RNF24: variants seen among roughly 807,000 people sequenced by gnomAD.
RNF24 encodes the protein ring finger protein 24.
In RNF24, 14 loss-of-function variants were observed where a neutral mutation model predicts 20.0. That is an observed-to-expected ratio of 0.70 (90% CI 0.46 to 1.10). The LOEUF (loss-of-function observed/expected upper bound fraction) is 1.10, where lower values mean the gene tolerates loss of function less well. RNF24 is among the 50% of genes least tolerant of loss of function. RNF24 has a pLI of 0.00. For synonymous variants in RNF24, 45 were observed against 61.1 expected (o/e 0.74, Z 1.23); for missense variants, 124 against 177.6 (o/e 0.70, Z 1.71).
At chr20:3,961,828 GA>G (rs573515797) in intron 2 of RNF24, among the ~76,000 whole-genome samples, 88 of 148,540 alleles carry the variant, frequency 5.9e-4, no homozygotes, top group South Asian at 1.1e-3. Flanking sequence ...TAGTAAGTCT[GA>G]AAAAAAAACC....
chr20:3,953,716 G>A (rs241647), intron 2 of RNF24, among the ~76,000 whole-genome samples: 1 of 149,404 alleles, frequency 6.7e-6, no homozygotes, highest in African/African-American at 2.5e-5. Context: ...TCTCTTTTTC[G>A]TATTAGATAT....
intron 1 of RNF24, 166 bp downstream of exon 1, chr20:4,015,271 T>G (rs1312805273): frequency 6.6e-6 from 1 of 150,934 alleles, no homozygotes; most frequent in Non-Finnish European, 1.5e-5. Flanking sequence ...GCCTCACCCC[T>G]GCACACCGCG....
At position 3,977,931 on chromosome 20, in the gene RNF24, C is replaced by T. The variant is rs115094816; in HGVS notation, c.-7-13907G>A. Among the ~76,000 whole-genome samples the T allele has an allele frequency of 3.8e-3, 574 of 151,310 alleles. 4 individuals are homozygous for T. Among genetic ancestry groups the T allele is most frequent in the African/African-American group, 0.013 (548 of 41,274 alleles). On this transcript the variant is annotated intron_variant, in intron 1 of 5. Transcript: ENST00000358395. ...ACACACACAAAAAACCCCAGAAAGA[C>T]TCTAGGATGAGGAGAAGCTGGTTAA...
chr20:3,951,424 C>T (rs113148131), intron 2 of RNF24, among the ~76,000 whole-genome samples: 5 of 152,176 alleles, frequency 3.3e-5, no homozygotes, highest in South Asian at 2.1e-4. Flanking sequence ...GAGGGAGACA[C>T]GCTGAAATTA....
chr20:3,984,615 C>T (rs1979719244), intron 1 of RNF24, among the ~76,000 whole-genome samples: 1 of 151,338 alleles, frequency 6.6e-6, no homozygotes, highest in South Asian at 2.1e-4. Flanking sequence ...CAGGGTTCCA[C>T]CAGGGAAAAA....
chr20:3,932,750 AG>A lies in RNF24; in HGVS notation c.*1312del. 2 of 396,794 alleles carry A rather than the reference AG, an allele frequency of 5.0e-6. No individual in the cohort carries two copies. The highest frequency in any genetic ancestry group is 8.9e-6 in the Non-Finnish European group (2 of 225,444). 24.6% of individuals were successfully genotyped at this position (396,794 alleles called of 1,614,324 possible). A position where few individuals can be genotyped will look rare whatever the true frequency, so the allele number is the denominator to read the frequency against. ...CCTAAGATGGAGGGAGGCGGAGAGC[AG>A]GGCTGTGGAAAAGAATTTTCCATCT... On this transcript the variant is annotated 3_prime_UTR_variant, in exon 6 of 6. Coordinates refer to ENST00000358395, the MANE Select transcript of RNF24 (RefSeq NM_001134337.3).
At chr20:3,986,593 G>A (rs1003679311) in intron 1 of RNF24, among the ~76,000 whole-genome samples, 7 of 151,286 alleles carry the variant, frequency 4.6e-5, no homozygotes, top group Non-Finnish European at 8.8e-5. Flanking sequence ...AGATTCAGTA[G>A]AACTCAAATT....
chr20:3,969,343 A>G (rs2091290211), intron 1 of RNF24, among the ~76,000 whole-genome samples: 1 of 152,176 alleles, frequency 6.6e-6, no homozygotes, highest in South Asian at 2.1e-4. Flanking sequence ...AAATATAACT[A>G]AAAACCATGG....
chr20:3,979,214 T>C (rs2147023063), intron 1 of RNF24, among the ~76,000 whole-genome samples: 1 of 152,056 alleles, frequency 6.6e-6, no homozygotes, highest in East Asian at 1.9e-4. Flanking sequence ...TTCATATGAA[T>C]CTGGAACATC....
At chr20:3,967,294 T>C (rs1244957671) in intron 1 of RNF24, among the ~76,000 whole-genome samples, 1 of 152,182 alleles carries the variant, frequency 6.6e-6, no homozygotes, top group African/African-American at 2.4e-5. Flanking sequence ...AGAGGAGAAA[T>C]AGAACATACA....
intron 1 of RNF24, among the ~76,000 whole-genome samples, chr20:3,972,641 T>G (rs1348343012): frequency 6.6e-6 from 1 of 151,786 alleles, no homozygotes; most frequent in Non-Finnish European, 1.5e-5. Context: ...TGGCTAACGC[T>G]TATAATCCCA....
intron 1 of RNF24, among the ~76,000 whole-genome samples, chr20:4,013,853 G>C (rs558980056): frequency 6.6e-6 from 1 of 152,310 alleles, no homozygotes; most frequent in Non-Finnish European, 1.5e-5. Context: ...CCCTGTAAAA[G>C]TATATGGGTA....
intron 2 of RNF24, among the ~76,000 whole-genome samples, chr20:3,953,175 C>T (rs1272389855): frequency 1.3e-5 from 2 of 152,210 alleles, no homozygotes; most frequent in African/African-American, 2.4e-5. Flanking sequence ...CTTTTGGAGA[C>T]GGAGTCTCAC....
intron 1 of RNF24, among the ~76,000 whole-genome samples, chr20:3,997,692 T>C (rs1189560953): frequency 6.6e-6 from 1 of 152,176 alleles, no homozygotes; most frequent in African/African-American, 2.4e-5. Context: ...TCCCAAAGTG[T>C]TGGGGCTACG....
Position 3,952,147 on chromosome 20 carries a change from C to T in RNF24, c.144-3868G>A, listed in dbSNP as rs1374634611. Among the ~76,000 whole-genome samples the T allele has an allele frequency of 3.5e-5, 5 of 144,396 alleles. No individual in the cohort carries two copies. The East Asian group carries it at 8.1e-4, about 23-fold the overall frequency. 94.7% of individuals were successfully genotyped at this position (144,396 alleles called of 152,430 possible). The stretch of plus-strand genomic sequence containing the variant: ...GCAGTTCCATATAGATTTCAATTTC[C>T]ACCAGAAAAAAAAAAAAACCCTCTT... On this transcript the variant is annotated intron_variant, in intron 2 of 5. Coordinates refer to ENST00000358395, the MANE Select transcript of RNF24 (RefSeq NM_001134337.3).
chr20:3,972,779 T>C lies in RNF24; in HGVS notation c.-7-8755A>G, dbSNP rs145511853. Among the ~76,000 whole-genome samples, 25 of 152,142 alleles carry C rather than the reference T, an allele frequency of 1.6e-4. No individual in the cohort carries two copies. In the East Asian group the frequency reaches 4.5e-3, roughly 27 times the overall value. Reference sequence around the variant, plus strand: ...TTAGTCGGGCGTGGTGGCACGCACCTGTAGTCCCAGTTACTCAAGAGGCTA... The same window carrying C: ...TTAGTCGGGCGTGGTGGCACGCACCCGTAGTCCCAGTTACTCAAGAGGCTA... On this transcript the variant is annotated intron_variant, in intron 1 of 5. Coordinates refer to ENST00000358395, the MANE Select transcript of RNF24 (RefSeq NM_001134337.3).
At chr20:4,004,621 A>C (rs1372208041) in intron 1 of RNF24, among the ~76,000 whole-genome samples, 3 of 152,212 alleles carry the variant, frequency 2.0e-5, no homozygotes, top group Non-Finnish European at 4.4e-5. Context: ...GAAAGAGAAG[A>C]CCATATGAAG....
At chr20:4,012,330 T>G (rs775537786) in intron 1 of RNF24, among the ~76,000 whole-genome samples, 2 of 150,806 alleles carry the variant, frequency 1.3e-5, no homozygotes, top group Non-Finnish European at 2.9e-5. Context: ...GGCATGAGAA[T>G]CACTTGAACC....
At chr20:3,978,749 G>T (rs1356860554) in intron 1 of RNF24, among the ~76,000 whole-genome samples, 2 of 152,200 alleles carry the variant, frequency 1.3e-5, no homozygotes, top group East Asian at 3.9e-4. Context: ...TATAGTGATA[G>T]AAATATTAAT....
Sources: gnomAD v4.1 joint callset for allele counts (sites outside exome capture counted in the v4.1 genomes callset) on GRCh38, gnomAD v4.1.1 for gene constraint, MANE v1.5 for transcripts, NCBI Gene and HGNC (gene_info 2026-07-23, HGNC 2026-07-21) for gene names.